Variants in FAM174A observed in about 807,000 individuals in gnomAD.
FAM174A encodes the protein family with sequence similarity 174 member A.
In FAM174A, 14 loss-of-function variants were observed where a neutral mutation model predicts 14.3. The observed-to-expected ratio is 0.98, with a 90% CI of 0.65 to 1.53. The LOEUF (loss-of-function observed/expected upper bound fraction) is 1.53. Ranked by LOEUF, FAM174A falls within the 40% of genes most tolerant of loss-of-function variation. The probability of loss-of-function intolerance (pLI) is 0.00; values close to 1 mark genes in which losing one functional copy is unlikely to be tolerated. For missense variants in FAM174A, 241 were observed against 249.6 expected (o/e 0.97, Z 0.23); for synonymous variants, 108 against 111.4 (o/e 0.97, Z 0.19).
intron 1 of FAM174A, among the ~76,000 whole-genome samples, chr5:100,551,473 A>G (rs1746261948): frequency 6.6e-6 from 1 of 152,164 alleles, no homozygotes; most frequent in Non-Finnish European, 1.5e-5. Context: ...ACTGCAAGCT[A>G]CAGCTCTTTC....
chr5:100,558,646 G>A (rs1476743763), intron 1 of FAM174A, among the ~76,000 whole-genome samples: 1 of 151,942 alleles, frequency 6.6e-6, no homozygotes, highest in Non-Finnish European at 1.5e-5. Context: ...TATATATTTA[G>A]GATAGTTAGC....
chr5:100,550,224 A>C (rs944919407), intron 1 of FAM174A, among the ~76,000 whole-genome samples: 2 of 152,194 alleles, frequency 1.3e-5, no homozygotes, highest in African/African-American at 2.4e-5. Flanking sequence ...GAAATCTTAG[A>C]GCTCCTGATG....
In FAM174A at chr5:100,556,422, T is replaced by C. The variant is rs1008059593; in HGVS notation, c.435-5632T>C. Among the ~76,000 whole-genome samples, 41 of 152,268 alleles carry C rather than the reference T, an allele frequency of 2.7e-4. No individual in the cohort carries two copies. In the East Asian group the frequency reaches 7.1e-3, roughly 27 times the overall value. Reference sequence around the variant, plus strand: ...TTGGCTTAGGATTGACTTGGCGATGTGGGCTCTTTTTTGGTTCCATATGAA... The same window carrying C: ...TTGGCTTAGGATTGACTTGGCGATGCGGGCTCTTTTTTGGTTCCATATGAA... On this transcript the variant is annotated intron_variant, in intron 1 of 2. Coordinates refer to ENST00000312637, the MANE Select transcript of FAM174A (RefSeq NM_198507.3).
intron 2 of FAM174A, among the ~76,000 whole-genome samples, chr5:100,576,671 CTG>C (rs961014938): frequency 6.6e-6 from 1 of 152,104 alleles, no homozygotes; most frequent in African/African-American, 2.4e-5. Context: ...GTTCCACCAA[CTG>C]TGTCTTGTAT....
chr5:100,561,131 G>T (rs1396551435), intron 1 of FAM174A, among the ~76,000 whole-genome samples: 1 of 151,866 alleles, frequency 6.6e-6, no homozygotes, highest in Admixed American at 6.6e-5. Flanking sequence ...TAAGGTAAAT[G>T]ATTTGAAGGA....
intron 2 of FAM174A, among the ~76,000 whole-genome samples, chr5:100,571,497 T>G (rs1345308127): frequency 6.6e-6 from 1 of 150,796 alleles, no homozygotes; most frequent in Non-Finnish European, 1.5e-5. Flanking sequence ...ATTATGTGCG[T>G]AATTTTCACA....
chr5:100,566,550 G>C (rs1182273484), intron 2 of FAM174A, among the ~76,000 whole-genome samples: 9 of 151,716 alleles, frequency 5.9e-5, no homozygotes, highest in Non-Finnish European at 1.0e-4. Flanking sequence ...ATACAGTAGT[G>C]TATACTTTTA....
chr5:100,563,360 C>T (rs950461156), intron 2 of FAM174A, among the ~76,000 whole-genome samples: 6 of 149,028 alleles, frequency 4.0e-5, no homozygotes, highest in African/African-American at 1.5e-4. Flanking sequence ...AAATTTATAT[C>T]AGACAAATTA....
At chr5:100,552,547 A>G (rs1452448076) in intron 1 of FAM174A, among the ~76,000 whole-genome samples, 2 of 152,134 alleles carry the variant, frequency 1.3e-5, no homozygotes, top group Non-Finnish European at 2.9e-5. Context: ...TCAGGTGCAT[A>G]TATCAGGCTA....
rs116715085 is a variant in FAM174A at position 100,544,964 on chromosome 5, T to C, written c.434+9000T>C. ...TCTACCAATACACTCTACCAGTGTT[T>C]CTGGACCCATTGCTACAGCAAGCGT... is the stretch of plus-strand genomic sequence containing the variant. On this transcript the variant is annotated intron_variant, in intron 1 of 2. Transcript: ENST00000312637. 6.0e-3 allele frequency among the ~76,000 whole-genome samples: 914 copies of C among 152,354 alleles called. 9 individuals carry two copies. Among genetic ancestry groups the C allele is most frequent in the African/African-American group, 0.021 (869 of 41,590 alleles).
At chr5:100,564,243 T>C (rs532325222) in intron 2 of FAM174A, among the ~76,000 whole-genome samples, 1 of 151,812 alleles carries the variant, frequency 6.6e-6, no homozygotes, top group South Asian at 2.1e-4. Flanking sequence ...TTTATAGCAA[T>C]GAAAGAATGG....
chr5:100,557,679 T>C (rs1308942323), intron 1 of FAM174A, among the ~76,000 whole-genome samples: 1 of 152,204 alleles, frequency 6.6e-6, no homozygotes, highest in African/African-American at 2.4e-5. Context: ...GGTGTATGTG[T>C]CGAGGAATTT....
intron 1 of FAM174A, among the ~76,000 whole-genome samples, chr5:100,541,537 G>A (rs1746053006): frequency 6.6e-6 from 1 of 151,778 alleles, no homozygotes; most frequent in Non-Finnish European, 1.5e-5. Flanking sequence ...TGTAGAAAGG[G>A]GTCCATTTAA....
intron 2 of FAM174A, 79 bp from the exon 3 acceptor site, chr5:100,586,102 A>C (rs964705869): frequency 4.0e-5 from 30 of 744,162 alleles, no homozygotes; most frequent in Middle Eastern, 3.0e-4. Context: ...TTCCCCTCCA[A>C]ATCTTTCTGA....
intron 2 of FAM174A, among the ~76,000 whole-genome samples, chr5:100,581,061 T>C (rs1008052644): frequency 6.6e-6 from 1 of 152,136 alleles, no homozygotes; most frequent in Non-Finnish European, 1.5e-5. Flanking sequence ...CCCAAGTAGC[T>C]GGGATTACAG....
chr5:100,549,967 A>G (rs912097054), intron 1 of FAM174A, among the ~76,000 whole-genome samples: 8 of 152,158 alleles, frequency 5.3e-5, no homozygotes, highest in Non-Finnish European at 7.4e-5. Context: ...TATCTTTAGC[A>G]TTGAATACAG....
At chr5:100,581,022 G>A (rs527888107) in intron 2 of FAM174A, among the ~76,000 whole-genome samples, 24 of 152,128 alleles carry the variant, frequency 1.6e-4, no homozygotes, top group African/African-American at 5.5e-4. Flanking sequence ...TCTGCCTCCC[G>A]GGTTCAAGCG....
At chr5:100,553,620 G>C (rs1330367876) in intron 1 of FAM174A, among the ~76,000 whole-genome samples, 1 of 151,936 alleles carries the variant, frequency 6.6e-6, no homozygotes, top group African/African-American at 2.4e-5. Context: ...ATTTAGATTT[G>C]AACTGCATCA....
At chr5:100,584,035 A>G (rs1747071241) in intron 2 of FAM174A, among the ~76,000 whole-genome samples, 1 of 152,184 alleles carries the variant, frequency 6.6e-6, no homozygotes. Flanking sequence ...ATTGTCCAAA[A>G]TCAAAAGAAC....
Sources: gnomAD v4.1 joint callset for allele counts (sites outside exome capture counted in the v4.1 genomes callset) on GRCh38, gnomAD v4.1.1 for gene constraint, MANE v1.5 for transcripts, NCBI Gene and HGNC (gene_info 2026-07-23, HGNC 2026-07-21) for gene names.